The following LIN28B variants were observed in gnomAD, a reference collection of about 807,000 sequenced individuals.
The protein encoded by LIN28B is protein lin-28 homolog B.
A neutral mutation model predicts 21.9 loss-of-function variants in LIN28B; 5 were observed. The ratio of observed to expected loss-of-function variants is 0.23; its 90% CI spans 0.12 to 0.48. LIN28B has a LOEUF of 0.48. Ranked by LOEUF, LIN28B falls within the 20% of genes least tolerant of loss-of-function variation. The probability of loss-of-function intolerance (pLI) is 0.98; values close to 1 mark genes in which losing one functional copy is unlikely to be tolerated. For synonymous variants in LIN28B, 109 were observed against 111.3 expected (o/e 0.98, Z 0.13); for missense variants, 245 against 310.5 (o/e 0.79, Z 1.58).
upstream of LIN28B, among the ~76,000 whole-genome samples, chr6:104,953,207 T>A (rs1562561035): frequency 6.6e-6 from 1 of 151,956 alleles, no homozygotes; most frequent in Admixed American, 6.5e-5. Flanking sequence ...CTCGCCGACG[T>A]TTTTTCTTGA....
At chr6:104,958,350 A>T in intron 2 of LIN28B, 64 bp downstream of exon 2, 2 of 1,270,630 alleles carry the variant, frequency 1.6e-6, no homozygotes. Context: ...ATCGGTAGTT[A>T]TGCCAATAGA....
chr6:104,981,825 TAG>T (rs756991681), intron 2 of LIN28B, among the ~76,000 whole-genome samples: 4 of 152,176 alleles, frequency 2.6e-5, no homozygotes, highest in Non-Finnish European at 5.9e-5. Flanking sequence ...GCAAGCATCT[TAG>T]AATTAAATAG....
intron 2 of LIN28B, among the ~76,000 whole-genome samples, chr6:105,006,213 A>C (rs1770813552): frequency 6.6e-6 from 1 of 152,180 alleles, no homozygotes; most frequent in Non-Finnish European, 1.5e-5. Context: ...TTTTTTACTT[A>C]TCAGCCCTAA....
chr6:105,023,357 T>A (rs1386745016), intron 2 of LIN28B, among the ~76,000 whole-genome samples: 1 of 12,294 alleles, frequency 8.1e-5, no homozygotes, highest in African/African-American at 3.1e-4. Context: ...ATATATATAA[T>A]TATATTATAT....
intron 2 of LIN28B, among the ~76,000 whole-genome samples, chr6:105,005,670 A>G (rs1770803253): frequency 1.3e-5 from 2 of 152,124 alleles, no homozygotes; most frequent in Admixed American, 6.5e-5. Flanking sequence ...GCCATCTGCC[A>G]TGACTGTAAG....
At chr6:104,962,766 T>C (rs555673982) in intron 2 of LIN28B, among the ~76,000 whole-genome samples, 1 of 152,296 alleles carries the variant, frequency 6.6e-6, no homozygotes, top group East Asian at 1.9e-4. Flanking sequence ...AGTTTTGTTA[T>C]AGTTAAGCAT....
chr6:105,046,160 T>TC (rs998338135), intron 3 of LIN28B, among the ~76,000 whole-genome samples: 2 of 152,140 alleles, frequency 1.3e-5, no homozygotes, highest in South Asian at 4.1e-4. Flanking sequence ...ATGCTATCCG[T>TC]CCCCCCTCCC....
At chr6:105,038,577 C>G (rs1005805203) in intron 3 of LIN28B, among the ~76,000 whole-genome samples, 8 of 152,312 alleles carry the variant, frequency 5.3e-5, no homozygotes, top group African/African-American at 1.7e-4. Flanking sequence ...GTACAAGTTT[C>G]TCTTTTGGTT....
chr6:105,036,105 T>A (rs1771516043), intron 3 of LIN28B, among the ~76,000 whole-genome samples: 1 of 152,228 alleles, frequency 6.6e-6, no homozygotes, highest in South Asian at 2.1e-4. Flanking sequence ...TTATATCTTT[T>A]ACTTGTATGC....
Position 104,958,066 on chromosome 6 carries a change from A to G in LIN28B, c.11-33A>G, listed in dbSNP as rs764291519. 4.8e-6 allele frequency: 7 copies of G among 1,473,652 alleles called. No homozygotes were observed. The Admixed American group carries it at 1.3e-4, about 28-fold the overall frequency. 91.3% of individuals were successfully genotyped at this position (1,473,652 alleles called of 1,614,324 possible). A position where few individuals can be genotyped will look rare whatever the true frequency, so the allele number is the denominator to read the frequency against. ...CTTTGAATGCACATTGAATGGGAAT[A>G]CAGACTGACTTTTTTGTCCTGTTCC... On this transcript the variant is annotated intron_variant, in intron 1 of 3. Transcript: ENST00000345080.
Position 105,044,795 on chromosome 6 carries a change from C to G in LIN28B, c.383+18313C>G, listed in dbSNP as rs1042561694. 8.5e-5 allele frequency among the ~76,000 whole-genome samples: 13 copies of G among 152,052 alleles called. 1 individual carries two copies. Among genetic ancestry groups the G allele is most frequent in the African/African-American group, 3.1e-4 (13 of 41,400 alleles). The stretch of plus-strand genomic sequence containing the variant: ...GTAGTGAAGCCTGGCTTTTAGTGTA[C>G]CTCTTGCCCGACTAGTGCACGTTCT... On this transcript the variant is annotated intron_variant, in intron 3 of 3. Coordinates refer to ENST00000345080, the MANE Select transcript of LIN28B (RefSeq NM_001004317.4).
At chr6:104,956,192 C>T (rs930985269), upstream of LIN28B, among the ~76,000 whole-genome samples, 4 of 151,974 alleles carry the variant, frequency 2.6e-5, no homozygotes, top group Admixed American at 6.6e-5. Flanking sequence ...ACTCTGCTGC[C>T]GCCTATCCTG....
At chr6:105,042,935 T>C (rs1404826434) in intron 3 of LIN28B, among the ~76,000 whole-genome samples, 4 of 152,166 alleles carry the variant, frequency 2.6e-5, no homozygotes, top group Non-Finnish European at 5.9e-5. Flanking sequence ...TCTGCTCTTG[T>C]GAGCTGACAG....
intron 2 of LIN28B, among the ~76,000 whole-genome samples, chr6:104,943,903 A>G (rs185530977): frequency 3.5e-4 from 53 of 152,252 alleles, no homozygotes; most frequent in African/African-American, 1.2e-3. Flanking sequence ...ACAGAATCTC[A>G]TTGTTTTGAG....
chr6:105,006,684 C>T (rs1770821616), intron 2 of LIN28B, among the ~76,000 whole-genome samples: 1 of 152,148 alleles, frequency 6.6e-6, no homozygotes. Flanking sequence ...ATCTCTCTTG[C>T]ACTACATGTT....
intron 2 of LIN28B, chr6:104,940,787 G>A (rs1274036997): frequency 1.3e-5 from 2 of 151,540 alleles, no homozygotes; most frequent in Non-Finnish European, 2.9e-5. Flanking sequence ...CCCGGTGGCC[G>A]CGCGCCGCCC....
At chr6:105,026,573 T>A in intron 3 of LIN28B, 91 bp downstream of exon 3, 4 of 817,202 alleles carry the variant, frequency 4.9e-6, no homozygotes, top group Non-Finnish European at 7.8e-6. Context: ...TCATATTGTC[T>A]AGCCAAAGGA....
At chr6:104,941,217 G>A (rs537136932) in intron 2 of LIN28B, 1 of 152,256 alleles carries the variant, frequency 6.6e-6, no homozygotes, top group African/African-American at 2.4e-5. Flanking sequence ...CTCGCAGCAA[G>A]TTGCGGTTCG....
At chr6:104,955,679 G>T (rs1778276016), upstream of LIN28B, among the ~76,000 whole-genome samples, 1 of 151,254 alleles carries the variant, frequency 6.6e-6, no homozygotes, top group Non-Finnish European at 1.5e-5. Flanking sequence ...GGGGATTGCT[G>T]GCATGGTGGG....
Sources: gnomAD v4.1 joint callset for allele counts (sites outside exome capture counted in the v4.1 genomes callset) on GRCh38, gnomAD v4.1.1 for gene constraint, MANE v1.5 for transcripts, NCBI Gene and HGNC (gene_info 2026-07-23, HGNC 2026-07-21) for gene names.